MARF1: variants seen among roughly 807,000 people sequenced by gnomAD.
MARF1 encodes the protein limkain-b1.
Under a neutral mutation model 168.2 loss-of-function variants are expected in MARF1, and 24 were observed. The ratio of observed to expected loss-of-function variants is 0.14; its 90% CI spans 0.10 to 0.20. The LOEUF is 0.20. Ranked by LOEUF, MARF1 falls within the 10% of genes least tolerant of loss-of-function variation. The pLI is 1.00. For missense variants in MARF1, 1,744 were observed against 2,143.6 expected, an observed-to-expected ratio of 0.81 and a Z score of 3.68; for synonymous variants, 868 against 822.4, an observed-to-expected ratio of 1.06 and a Z score of -0.95.
chr16:15,616,979 G>A (rs1233267333), intron 15 of MARF1, 73 bp downstream of exon 15: 19 of 1,526,388 alleles, frequency 1.2e-5, no homozygotes, highest in Non-Finnish European at 1.7e-5. Context: ...AAGAGATGTG[G>A]GCAGAAAGGG....
intron 26 of MARF1, 135 bp downstream of exon 26, chr16:15,598,719 G>T: frequency 2.3e-6 from 2 of 885,336 alleles, no homozygotes; most frequent in Non-Finnish European, 3.4e-6. Flanking sequence ...AAAGAAGGTC[G>T]AATAATCAGC....
chr16:15,604,787 G>A (rs994201923), intron 21 of MARF1, among the ~76,000 whole-genome samples: 2 of 152,108 alleles, frequency 1.3e-5, no homozygotes, highest in African/African-American at 2.4e-5. Context: ...GGGTAGGGAT[G>A]GGGAGGCTAG....
At chr16:15,617,558 G>A (rs779616590) in intron 13 of MARF1, 23 bp from the exon 14 acceptor site, 23 of 1,522,422 alleles carry the variant, frequency 1.5e-5, no homozygotes, top group African/African-American at 1.1e-4. Context: ...GAAGAGAGAC[G>A]CTGACTTAGA....
chr16:15,622,568 A>T (rs1182555725), intron 11 of MARF1, among the ~76,000 whole-genome samples: 1 of 151,920 alleles, frequency 6.6e-6, no homozygotes, highest in Admixed American at 6.6e-5. Flanking sequence ...ATTTTTTTTT[A>T]GTAGAGACGG....
chr16:15,627,316 C>T (rs1181175632), intron 7 of MARF1, among the ~76,000 whole-genome samples: 1 of 151,906 alleles, frequency 6.6e-6, no homozygotes, highest in Non-Finnish European at 1.5e-5. Flanking sequence ...GGTGAAACCT[C>T]GTCTACAAAA....
intron 3 of MARF1, chr16:15,635,158 G>A: frequency 4.1e-6 from 2 of 490,512 alleles, no homozygotes; most frequent in Non-Finnish European, 7.2e-6. Flanking sequence ...CACGTGGTCA[G>A]ATCTTTACAT....
intron 25 of MARF1, among the ~76,000 whole-genome samples, chr16:15,599,693 T>C (rs2032206620): frequency 6.6e-6 from 1 of 152,218 alleles, no homozygotes; most frequent in Non-Finnish European, 1.5e-5. Context: ...ATTCCAAGAA[T>C]TGGCCTCTAT....
At position 15,596,398 on chromosome 16, in the gene MARF1, C is replaced by A. The variant is rs534208948; in HGVS notation, c.*295G>T. ...TTAGTGCTTTCTTCTTTTGGAACAC[C>A]ATTGTATTTCATAATAGTTACTAAA... On this transcript the variant is annotated 3_prime_UTR_variant, in exon 27 of 27. Coordinates refer to ENST00000396368, the MANE Select transcript of MARF1 (RefSeq NM_014647.4). 1 of 229,118 alleles carries A rather than the reference C, an allele frequency of 4.4e-6. No homozygotes were observed. Among genetic ancestry groups the A allele is most frequent in the Non-Finnish European group, 8.4e-6 (1 of 119,246 alleles). 14.2% of individuals were successfully genotyped at this position (229,118 alleles called of 1,614,324 possible).
chr16:15,598,727 A>G lies in MARF1; in HGVS notation c.4984+127T>C, dbSNP rs1247296406. On this transcript the variant is annotated intron_variant, in intron 26 of 26. Coordinates refer to ENST00000396368, the MANE Select transcript of MARF1 (RefSeq NM_014647.4). The stretch of plus-strand genomic sequence containing the variant: ...GGTGGGGAAAGAAGGTCGAATAATC[A>G]GCACAGTGTTTTCCACCTGAAAAGG... 3.4e-5 allele frequency: 31 copies of G among 916,100 alleles called. 1 individual carries two copies. In the Admixed American group the frequency reaches 6.7e-4, roughly 20 times the overall value. 56.7% of individuals were successfully genotyped at this position (916,100 alleles called of 1,614,324 possible).
At chr16:15,601,914 T>A in intron 23 of MARF1, 77 bp downstream of exon 23, 1 of 1,200,252 alleles carries the variant, frequency 8.3e-7, no homozygotes, top group Admixed American at 1.8e-5. Flanking sequence ...TCTGGCAGCA[T>A]TTTATTTTTC....
chr16:15,601,349 C>A, intron 23 of MARF1: 1 of 297,470 alleles, frequency 3.4e-6, no homozygotes, highest in Non-Finnish European at 6.6e-6. Context: ...TAGCCCAGTT[C>A]CCTTCTCCAT....
In MARF1 at chr16:15,599,171, A is replaced by AC. The variant is rs36052603; in HGVS notation, c.4814-148_4814-147insG. 2,968 of 782,820 alleles carry AC rather than the reference A, an allele frequency of 3.8e-3. 56 individuals carry two copies. The African/African-American group carries it at 0.044, about 12-fold the overall frequency. The allele number at this position is 782,820 out of a possible 1,614,324, so 48.5% of individuals were successfully genotyped here. On this transcript the variant is annotated intron_variant, in intron 25 of 26. Transcript: ENST00000396368. ...TAAGGTATTAAAAAAAAAAAAAAAA[A>AC]AAAACAAAAACCCAAAACCCACTAA...
intron 5 of MARF1, among the ~76,000 whole-genome samples, chr16:15,632,225 A>C (rs1177372952): frequency 1.3e-5 from 2 of 152,228 alleles, no homozygotes; most frequent in African/African-American, 4.8e-5. Context: ...GAACTCAGTT[A>C]AATTTGCTCT....
At chr16:15,616,789 A>T (rs1004203573) in intron 15 of MARF1, 2 of 423,514 alleles carry the variant, frequency 4.7e-6, no homozygotes, top group Non-Finnish European at 8.4e-6. Flanking sequence ...ACTATAACAC[A>T]ATGGTATTTG....
Position 15,611,038 on chromosome 16 carries a change from G to C in MARF1, c.3688C>G (p.Pro1230Ala). 1 of 1,613,626 alleles carries C rather than the reference G, an allele frequency of 6.2e-7. No individual in the cohort carries two copies. The highest frequency in any genetic ancestry group is 8.5e-7 in the Non-Finnish European group (1 of 1,179,602). Residue 1230 changes from proline to alanine, a missense_variant, in exon 19 of 27, where the codon CCA becomes GCA. Pro to Ala is a conservative substitution (Grantham distance 27, BLOSUM62 -1). Transcript: ENST00000396368. ...TGGGACAAGCAGATGGTTGTGTCTG[G>C]AATCTCTGATACGATGTCAATCAAC... ...CELIDIVSEI[P>A]DTTICLSQQD...
intron 23 of MARF1, chr16:15,601,597 G>C: frequency 3.4e-6 from 1 of 291,924 alleles, no homozygotes; most frequent in Non-Finnish European, 6.5e-6. Flanking sequence ...TCCTTGTCAC[G>C]TGCTTCCCTC....
In MARF1 at chr16:15,636,246, G is replaced by A. The variant is rs375479252; in HGVS notation, c.241C>T (p.Pro81Ser). ...GSKLFPAVPL[P>S]DIRSLQQPKI... ...GGCTGCTGAAGAGAACGAATATCAGGAAGTGGGACTGCTGGAAAAAGCTTA... is the reference window on the plus strand; with the variant it reads ...GGCTGCTGAAGAGAACGAATATCAGAAAGTGGGACTGCTGGAAAAAGCTTA... The change falls in exon 3 of 27, where the codon CCT becomes TCT. Residue 81 changes from proline (P) to serine (S), a missense_variant. This residue lies in a region of MARF1 where 318 missense variants were observed against 336.6 expected (regional missense o/e 0.94). Transcript: ENST00000396368. 3.1e-6 allele frequency: 5 copies of A among 1,614,172 alleles called. No homozygotes were observed. In the African/African-American group the frequency reaches 6.7e-5, roughly 22 times the overall value.
chr16:15,617,474 C>G lies in MARF1; in HGVS notation c.2782G>C (p.Glu928Gln). The change falls in exon 14 of 27, where the codon GAA (glutamate) becomes CAA (glutamine). Residue 928 changes from glutamate (E) to glutamine (Q), a missense_variant. Physicochemically the swap from Glu to Gln is conservative, Grantham distance 29 (BLOSUM62 2). Transcript: ENST00000396368. The stretch of plus-strand genomic sequence containing the variant: ...CACACCAGCCGTCCGTTTCCTTGTT[C>G]ACGGATTGCGACCGTGTCTGTTAAT... ...YKLTDTVAIREQGNGRLVCLL... is the reference protein window; with the variant it reads ...YKLTDTVAIRQQGNGRLVCLL... The G allele has an allele frequency of 6.2e-7, 1 of 1,613,938 alleles. No homozygotes were observed. The highest frequency in any genetic ancestry group is 8.5e-7 in the Non-Finnish European group (1 of 1,180,036).
Position 15,604,154 on chromosome 16 carries a change from A to G in MARF1, c.4413+14T>C. The G allele has an allele frequency of 6.3e-7, 1 of 1,578,248 alleles. No homozygotes were observed. The highest frequency in any genetic ancestry group is 8.7e-7 in the Non-Finnish European group (1 of 1,147,300). ...TTTTCAATGATAGTTCTAAAGAGCC[A>G]TTAACGTGCCTACCTCAACCAAGTA... On this transcript the variant is annotated intron_variant, in intron 22 of 26. Transcript: ENST00000396368.
Sources: gnomAD v4.1 joint callset for allele counts (sites outside exome capture counted in the v4.1 genomes callset) on GRCh38, gnomAD v4.1.1 for gene constraint, gnomAD v4.1.1 regional missense constraint, MANE v1.5 for transcripts, NCBI Gene and HGNC (gene_info 2026-07-23, HGNC 2026-07-21) for gene names.